SKP2: variants seen among roughly 807,000 people sequenced by gnomAD.
SKP2 encodes the protein S-phase kinase-associated protein 2.
In SKP2, 16 loss-of-function variants were observed where a neutral mutation model predicts 51.8. The ratio of observed to expected loss-of-function variants is 0.31; its 90% CI spans 0.21 to 0.47. SKP2 has a LOEUF of 0.47. SKP2 is among the 20% of genes least tolerant of loss of function. The pLI is 1.00. For missense variants in SKP2, 377 were observed against 505.3 expected (o/e 0.75, Z 2.43); for synonymous variants, 176 against 198.6 (o/e 0.89, Z 0.96).
intron 2 of SKP2, chr5:36,155,158 C>T (rs1230332678): frequency 6.6e-6 from 1 of 152,162 alleles, no homozygotes; most frequent in Non-Finnish European, 1.5e-5. Flanking sequence ...ACTGGAAATA[C>T]AGAGAAGATT....
At chr5:36,169,765 GT>G (rs1745409263) in intron 5 of SKP2, among the ~76,000 whole-genome samples, 1 of 152,184 alleles carries the variant, frequency 6.6e-6, no homozygotes, top group African/African-American at 2.4e-5. Context: ...CCTTTTTATA[GT>G]TGTGGAAACT....
intron 9 of SKP2, among the ~76,000 whole-genome samples, chr5:36,178,772 C>T (rs781156693): frequency 3.3e-5 from 5 of 151,986 alleles, no homozygotes; most frequent in Non-Finnish European, 7.4e-5. Context: ...ATGTGTCTTG[C>T]TTTTGTTCCT....
At chr5:36,177,470 A>C in intron 9 of SKP2, 178 bp downstream of exon 9, 1 of 694,256 alleles carries the variant, frequency 1.4e-6, no homozygotes, top group Non-Finnish European at 2.7e-6. Context: ...AATTGAGTTG[A>C]TCCAGATTGT....
rs368373577 is a variant in SKP2 at position 36,152,793 on chromosome 5, G to T, written c.31G>T (p.Asp11Tyr). 30 of 1,613,802 alleles carry T rather than the reference G, an allele frequency of 1.9e-5. No individual in the cohort carries two copies. Among genetic ancestry groups the T allele is most frequent in the Non-Finnish European group, 2.5e-5 (29 of 1,180,032 alleles). ...CAGGAAGCACCTCCAGGAGATTCCA[G>T]ACCTGAGTAGCAACGTTGCCACCAG... The part of the protein sequence containing the change: MHRKHLQEIP[D>Y]LSSNVATSFT... The change falls in exon 2 of 10, where the codon GAC becomes TAC. Residue 11 changes from aspartate (D) to tyrosine (Y), a missense_variant. Transcript: ENST00000274255.
At chr5:36,172,410 C>T (rs1458546542) in intron 7 of SKP2, among the ~76,000 whole-genome samples, 3 of 152,084 alleles carry the variant, frequency 2.0e-5, no homozygotes, top group Non-Finnish European at 4.4e-5. Context: ...TATTCAGTTA[C>T]GCTTTATTTT....
intron 2 of SKP2, among the ~76,000 whole-genome samples, chr5:36,154,094 A>G (rs1264383541): frequency 6.6e-6 from 1 of 152,200 alleles, no homozygotes; most frequent in African/African-American, 2.4e-5. Flanking sequence ...CTATTTTTAT[A>G]TAGTATGTTA....
chr5:36,171,763 G>A, intron 7 of SKP2, 30 bp downstream of exon 7: 1 of 1,609,200 alleles, frequency 6.2e-7, no homozygotes, highest in Non-Finnish European at 8.5e-7. Context: ...GACCACTGAG[G>A]CCTTCACAAC....
rs536964752 is a variant in SKP2, at chr5:36,166,250, C to T, written c.393-269C>T. 4.6e-5 allele frequency among the ~76,000 whole-genome samples: 7 copies of T among 152,206 alleles called. No individual in the cohort carries two copies. The East Asian group carries it at 9.6e-4, about 21-fold the overall frequency. On this transcript the variant is annotated intron_variant, in intron 3 of 9. Transcript: ENST00000274255. ...AATATGATTCTCTGGTTCTAGATCACGGCAGTGCTAATGTTCACATTGAAC... is the reference window on the plus strand; with the variant it reads ...AATATGATTCTCTGGTTCTAGATCATGGCAGTGCTAATGTTCACATTGAAC...
rs780627222 is a variant in SKP2 at position 36,181,828 on chromosome 5, G to A, written c.1072G>A (p.Glu358Lys). 1 of 1,613,778 alleles carries A rather than the reference G, an allele frequency of 6.2e-7. No homozygotes were observed. The highest frequency in any genetic ancestry group is 8.5e-7 in the Non-Finnish European group (1 of 1,179,694). Residue 358 changes from glutamate to lysine, a missense_variant, in exon 10 of 10, where the codon GAA becomes AAA. This residue lies in a region of SKP2 where 262 missense variants were observed against 389.8 expected (regional missense o/e 0.67). Transcript: ENST00000274255. Reference sequence around the variant, plus strand: ...TTTCTTCCTTTCCAGTGAACTTGGAGAAATTCCCACACTAAAAACACTACA... The same window carrying A: ...TTTCTTCCTTTCCAGTGAACTTGGAAAAATTCCCACACTAAAAACACTACA... ...IIPETLLELG[E>K]IPTLKTLQVF...
intron 3 of SKP2, among the ~76,000 whole-genome samples, chr5:36,164,145 G>A (rs1745213171): frequency 6.6e-6 from 1 of 152,206 alleles, no homozygotes; most frequent in African/African-American, 2.4e-5. Context: ...AGACCCGAGT[G>A]CACACCCAGC....
chr5:36,170,827 G>A (rs33668), intron 6 of SKP2, among the ~76,000 whole-genome samples: 133,749 of 152,240 alleles, frequency 0.88, 59,379 homozygotes, highest in Non-Finnish European at 0.94. Context: ...AATATAGACC[G>A]TAAATTTGGG....
At chr5:36,162,153 ATCT>A (rs1333930839) in intron 2 of SKP2, among the ~76,000 whole-genome samples, 1 of 152,162 alleles carries the variant, frequency 6.6e-6, no homozygotes, top group Non-Finnish European at 1.5e-5. Flanking sequence ...TGTGCTCAGA[ATCT>A]TCTAGTGGTG....
Position 36,152,940 on chromosome 5 carries a change from G to A in SKP2, c.178G>A (p.Gly60Ser). ...CCCCCAGGAACTGCTCTCAAACCTG[G>A]GCCACCCGGAGAGCCCCCCACGGAA... ...NIPQELLSNL[G>S]HPESPPRKRL... is the part of the protein sequence containing the mutation. The change falls in exon 2 of 10, where the codon GGC becomes AGC. Residue 60 changes from glycine (G) to serine (S), a missense_variant. This residue lies in a region of SKP2 where 115 missense variants were observed against 115.5 expected (regional missense o/e 1.00). Transcript: ENST00000274255. The A allele has an allele frequency of 6.2e-7, 1 of 1,614,092 alleles. No individual in the cohort carries two copies. The highest frequency in any genetic ancestry group is 8.5e-7 in the Non-Finnish European group (1 of 1,180,024).
chr5:36,163,549 G>A (rs1280867997), intron 2 of SKP2, 96 bp from the exon 3 acceptor site: 2 of 712,958 alleles, frequency 2.8e-6, no homozygotes, highest in Non-Finnish European at 5.0e-6. Context: ...CCTCATTTAA[G>A]CTAAATGTTG....
chr5:36,175,530 CTT>C (rs1433249776), intron 7 of SKP2, among the ~76,000 whole-genome samples: 5 of 152,008 alleles, frequency 3.3e-5, no homozygotes, highest in Non-Finnish European at 2.9e-5. Context: ...GCTTACATGA[CTT>C]TCTTCCAAAT....
In SKP2 at chr5:36,182,083, G is replaced by A; in HGVS notation, c.*52G>A. The A allele has an allele frequency of 6.3e-7, 1 of 1,592,824 alleles. No homozygotes were observed. Among genetic ancestry groups the A allele is most frequent in the Non-Finnish European group, 8.6e-7 (1 of 1,167,510 alleles). On this transcript the variant is annotated 3_prime_UTR_variant, in exon 10 of 10. Transcript: ENST00000274255. ...TCTTTAGAACAGGGAAAATAGGCAG[G>A]AAGCCCAATTGCTGGAGTACTTAGC...
chr5:36,166,161 C>G (rs552017979), intron 3 of SKP2, among the ~76,000 whole-genome samples: 1 of 152,184 alleles, frequency 6.6e-6, no homozygotes, highest in Admixed American at 6.5e-5. Flanking sequence ...TCCTATTTGC[C>G]TAGTAATATA....
In SKP2 at chr5:36,171,646, A is replaced by G. The variant is rs781311561; in HGVS notation, c.814A>G (p.Lys272Glu). The G allele has an allele frequency of 6.2e-7, 1 of 1,613,896 alleles. No homozygotes were observed. The highest frequency in any genetic ancestry group is 1.7e-5 in the Admixed American group (1 of 60,002). The change falls in exon 7 of 10, where the codon AAG (lysine) becomes GAG (glutamate). Residue 272 changes from lysine to glutamate, a missense_variant. Physicochemically the swap from Lys to Glu is moderately conservative, Grantham distance 56. Transcript: ENST00000274255. Reference sequence around the variant, plus strand: ...CTCCTGGTGTTTTGATTTCACTGAAAAGCATGTACAGGTGGCTGTTGCGCA... The same window carrying G: ...CTCCTGGTGTTTTGATTTCACTGAAGAGCATGTACAGGTGGCTGTTGCGCA... ...NLSWCFDFTE[K>E]HVQVAVAHVS...
chr5:36,169,477 A>T (rs968251109), intron 5 of SKP2, among the ~76,000 whole-genome samples: 1 of 151,984 alleles, frequency 6.6e-6, no homozygotes, highest in Non-Finnish European at 1.5e-5. Flanking sequence ...AGGATGGTGG[A>T]GAGAGTTGTT....
Sources: gnomAD v4.1 joint callset for allele counts (sites outside exome capture counted in the v4.1 genomes callset) on GRCh38, gnomAD v4.1.1 for gene constraint, gnomAD v4.1.1 regional missense constraint, MANE v1.5 for transcripts, NCBI Gene and HGNC (gene_info 2026-07-23, HGNC 2026-07-21) for gene names.